EXOC4: variants seen among roughly 807,000 people sequenced by gnomAD.
EXOC4 encodes the protein exocyst complex component 4.
Under a neutral mutation model 107.2 loss-of-function variants are expected in EXOC4, and 71 were observed. That is an observed-to-expected ratio of 0.66 (90% CI 0.55 to 0.81). The LOEUF (loss-of-function observed/expected upper bound fraction) is 0.81. EXOC4 is among the 30% of genes least tolerant of loss of function. The pLI, the probability that EXOC4 is intolerant of heterozygous loss-of-function variation, is 0.00. For missense variants in EXOC4, 1,108 were observed against 1,189.6 expected (o/e 0.93, Z 1.01); for synonymous variants, 456 against 441.2 (o/e 1.03, Z -0.42).
chr7:133,264,026 C>G (rs1165971300), intron 1 of EXOC4, among the ~76,000 whole-genome samples: 1 of 152,068 alleles, frequency 6.6e-6, no homozygotes, highest in African/African-American at 2.4e-5. Context: ...AAAAGAAGAT[C>G]ACTGTGGACA....
chr7:133,958,929 T>C (rs1442309304), intron 14 of EXOC4, among the ~76,000 whole-genome samples: 1 of 152,232 alleles, frequency 6.6e-6, no homozygotes, highest in African/African-American at 2.4e-5. Context: ...ACTTCTGTTC[T>C]TTTTCCTATT....
At chr7:133,389,895 CAAAAA>C (rs34692720) in intron 7 of EXOC4, among the ~76,000 whole-genome samples, 1 of 129,626 alleles carries the variant, frequency 7.7e-6, no homozygotes, top group Non-Finnish European at 1.6e-5. Context: ...GGCAGCAGGC[CAAAAA>C]AAAAAAAAAA....
At chr7:133,716,141 T>G (rs1269428295) in intron 10 of EXOC4, among the ~76,000 whole-genome samples, 4 of 152,242 alleles carry the variant, frequency 2.6e-5, no homozygotes, top group African/African-American at 4.8e-5. Flanking sequence ...GCATGATACT[T>G]AAGTATTCTT....
chr7:134,015,562 A>C (rs926584822), intron 17 of EXOC4, among the ~76,000 whole-genome samples: 1 of 152,154 alleles, frequency 6.6e-6, no homozygotes, highest in Admixed American at 6.5e-5. Flanking sequence ...CTTGCCAATC[A>C]ACTGGAAGGT....
intron 10 of EXOC4, among the ~76,000 whole-genome samples, chr7:133,805,093 G>A (rs778696055): frequency 1.4e-4 from 22 of 152,120 alleles, no homozygotes; most frequent in Non-Finnish European, 2.9e-4. Flanking sequence ...CGCAGTTGCT[G>A]CTCAGAAGGA....
Position 133,954,650 on chromosome 7 carries a change from A to C in EXOC4, c.2206+16581A>C, listed in dbSNP as rs1486960456. 2.6e-5 allele frequency among the ~76,000 whole-genome samples: 4 copies of C among 152,240 alleles called. No individual in the cohort carries two copies. In the East Asian group the frequency reaches 7.7e-4, roughly 29 times the overall value. Reference sequence around the variant, plus strand: ...TCACCAGCAGGAAGCCTCTGTGGCCACTGGTGCCTTTGCCCGAGTTTTGCT... The same window carrying C: ...TCACCAGCAGGAAGCCTCTGTGGCCCCTGGTGCCTTTGCCCGAGTTTTGCT... On this transcript the variant is annotated intron_variant, in intron 14 of 17. Transcript: ENST00000253861.
At chr7:133,764,672 T>G (rs1796099936) in intron 10 of EXOC4, among the ~76,000 whole-genome samples, 1 of 152,104 alleles carries the variant, frequency 6.6e-6, no homozygotes, top group South Asian at 2.1e-4. Context: ...TTAGGTAATA[T>G]TTGAAATACT....
intron 11 of EXOC4, among the ~76,000 whole-genome samples, chr7:133,876,225 TG>T: frequency 7.5e-6 from 1 of 132,970 alleles, no homozygotes; most frequent in African/African-American, 3.1e-5. Flanking sequence ...TGAAGAGGTG[TG>T]TGTGTGTGTG....
chr7:133,693,254 A>T (rs1019548383), intron 10 of EXOC4, among the ~76,000 whole-genome samples: 1 of 152,204 alleles, frequency 6.6e-6, no homozygotes, highest in African/African-American at 2.4e-5. Context: ...GTGTGAGTCC[A>T]AGAGTCCAAA....
intron 7 of EXOC4, among the ~76,000 whole-genome samples, chr7:133,467,623 A>G (rs974798098): frequency 7.1e-6 from 1 of 140,450 alleles, no homozygotes; most frequent in African/African-American, 2.7e-5. Flanking sequence ...GAAGTTTGTC[A>G]GTGTACTCCC....
intron 10 of EXOC4, among the ~76,000 whole-genome samples, chr7:133,635,161 T>A (rs1356232931): frequency 4.6e-5 from 7 of 152,230 alleles, no homozygotes; most frequent in African/African-American, 1.7e-4. Flanking sequence ...TACATCATGG[T>A]AGTTATTAAC....
chr7:133,790,641 C>T (rs1375464255), intron 10 of EXOC4, among the ~76,000 whole-genome samples: 3 of 152,248 alleles, frequency 2.0e-5, no homozygotes, highest in Admixed American at 2.0e-4. Flanking sequence ...TTTCCTGTTA[C>T]TAGAGCTAGG....
At chr7:133,881,683 C>A (rs1798969664) in intron 11 of EXOC4, among the ~76,000 whole-genome samples, 1 of 152,100 alleles carries the variant, frequency 6.6e-6, no homozygotes, top group East Asian at 1.9e-4. Context: ...AGAGAAGGTA[C>A]TTACTTATTT....
intron 7 of EXOC4, among the ~76,000 whole-genome samples, chr7:133,397,099 C>A (rs969391312): frequency 1.4e-5 from 2 of 147,874 alleles, no homozygotes; most frequent in African/African-American, 5.0e-5. Context: ...TGTCGATATC[C>A]TCTTGTTTGT....
chr7:133,801,292 A>T (rs1796936477), intron 10 of EXOC4, among the ~76,000 whole-genome samples: 1 of 152,200 alleles, frequency 6.6e-6, no homozygotes, highest in South Asian at 2.1e-4. Context: ...GAAGGAATGA[A>T]ATCTACCTTC....
intron 10 of EXOC4, among the ~76,000 whole-genome samples, chr7:133,634,764 G>A (rs1296889422): frequency 6.6e-6 from 1 of 152,184 alleles, no homozygotes; most frequent in Non-Finnish European, 1.5e-5. Context: ...TTACAGGTGT[G>A]AGCCACTATG....
At chr7:133,739,054 GT>G (rs1795506239) in intron 10 of EXOC4, among the ~76,000 whole-genome samples, 2 of 152,162 alleles carry the variant, frequency 1.3e-5, no homozygotes, top group African/African-American at 4.8e-5. Flanking sequence ...TAAATTATTT[GT>G]TGTGGTTCAA....
chr7:134,044,695 G>A (rs1052561643), intron 17 of EXOC4, among the ~76,000 whole-genome samples: 1 of 152,182 alleles, frequency 6.6e-6, no homozygotes, highest in Non-Finnish European at 1.5e-5. Flanking sequence ...AGCACAATGT[G>A]CACACTTGGA....
chr7:133,398,880 G>T lies in EXOC4; in HGVS notation c.1182+23878G>T, dbSNP rs370919644. On this transcript the variant is annotated intron_variant, in intron 7 of 17. Coordinates refer to ENST00000253861, the MANE Select transcript of EXOC4 (RefSeq NM_021807.4). ...AGTTAGTATCTCTACACTGATTAGA[G>T]AATGTAAAGCGATGTTTAAGTGCTT... 4.6e-5 allele frequency among the ~76,000 whole-genome samples: 7 copies of T among 152,282 alleles called. 1 individual carries two copies. The highest frequency in any genetic ancestry group is 1.7e-4 in the African/African-American group (7 of 41,568).
Sources: gnomAD v4.1 joint callset for allele counts (sites outside exome capture counted in the v4.1 genomes callset) on GRCh38, gnomAD v4.1.1 for gene constraint, MANE v1.5 for transcripts, NCBI Gene and HGNC (gene_info 2026-07-23, HGNC 2026-07-21) for gene names.